SYNJ2BP: variants seen among roughly 807,000 people sequenced by gnomAD.
SYNJ2BP encodes synaptojanin 2 binding protein, also known as synaptojanin-2-binding protein.
SYNJ2BP carries 10 observed loss-of-function variants against 16.9 expected under a neutral mutation model. The observed-to-expected ratio is 0.59, with a 90% CI of 0.36 to 1.00. The LOEUF is 1.00. Ranked by LOEUF, SYNJ2BP falls within the 50% of genes least tolerant of loss-of-function variation. The pLI is 0.01. For missense variants in SYNJ2BP, 162 were observed against 186.7 expected (o/e 0.87, Z 0.77); for synonymous variants, 54 against 68.4 (o/e 0.79, Z 1.04).
intron 1 of SYNJ2BP, among the ~76,000 whole-genome samples, chr14:70,414,519 T>C (rs1228166826): frequency 2.6e-5 from 4 of 152,194 alleles, no homozygotes; most frequent in Non-Finnish European, 4.4e-5. Context: ...AAAGATGAAG[T>C]GATATTATAC....
chr14:70,394,189 TATAA>T (rs1888041117), intron 1 of SYNJ2BP, among the ~76,000 whole-genome samples: 1 of 152,022 alleles, frequency 6.6e-6, no homozygotes, highest in Admixed American at 6.5e-5. Flanking sequence ...AACACCTCCC[TATAA>T]ATAAAAACAT....
Position 70,367,684 on chromosome 14 carries a change from G to C in SYNJ2BP, c.*5307C>G, listed in dbSNP as rs1233071403. The C allele has an allele frequency of 1.3e-5, 2 of 149,278 alleles. No homozygotes were observed. The highest frequency in any genetic ancestry group is 4.0e-4 in the East Asian group (2 of 5,054). The allele number at this position is 149,278 out of a possible 1,614,324, so 9.2% of individuals were successfully genotyped here. Reference sequence around the variant, plus strand: ...TGGATGTGAGTGCTGGTCTCAAAAAGATTTGCAGTTAAAAGAGGAACAGCA... The same window carrying C: ...TGGATGTGAGTGCTGGTCTCAAAAACATTTGCAGTTAAAAGAGGAACAGCA... On this transcript the variant is annotated 3_prime_UTR_variant, in exon 4 of 4. Coordinates refer to ENST00000256366, the MANE Select transcript of SYNJ2BP (RefSeq NM_018373.3).
intron 1 of SYNJ2BP, among the ~76,000 whole-genome samples, chr14:70,394,458 CTTTT>C (rs533858770): frequency 7.5e-6 from 1 of 133,366 alleles, no homozygotes. Flanking sequence ...TGGGATTCAA[CTTTT>C]TTTTTTTTTT....
intron 1 of SYNJ2BP, among the ~76,000 whole-genome samples, chr14:70,412,001 A>C (rs543277037): frequency 1.3e-5 from 2 of 152,336 alleles, no homozygotes; most frequent in African/African-American, 4.8e-5. Context: ...TGAAGAAAGG[A>C]ATAGATCAGA....
At chr14:70,414,287 A>C (rs1039287013) in intron 1 of SYNJ2BP, among the ~76,000 whole-genome samples, 1 of 152,246 alleles carries the variant, frequency 6.6e-6, no homozygotes, top group African/African-American at 2.4e-5. Context: ...TCACTGACTT[A>C]TATAATTAAT....
At chr14:70,377,396 C>T (rs1349949144) in intron 2 of SYNJ2BP, among the ~76,000 whole-genome samples, 3 of 152,206 alleles carry the variant, frequency 2.0e-5, no homozygotes, top group Admixed American at 2.0e-4. Flanking sequence ...TAGACCCATA[C>T]TAGCTGACTC....
At chr14:70,388,413 T>G in intron 2 of SYNJ2BP, 57 bp downstream of exon 2, 2 of 1,432,344 alleles carry the variant, frequency 1.4e-6, no homozygotes, top group Non-Finnish European at 9.2e-7. Context: ...TAGGGAGGGG[T>G]AGGACCTAGG....
intron 2 of SYNJ2BP, 37 bp from the exon 3 acceptor site, chr14:70,375,808 G>C: frequency 6.2e-7 from 1 of 1,604,244 alleles, no homozygotes; most frequent in African/African-American, 1.3e-5. Flanking sequence ...AAAGGAAGAA[G>C]GCTATTAGAA....
chr14:70,391,534 G>C (rs1301993575), intron 1 of SYNJ2BP, among the ~76,000 whole-genome samples: 1 of 152,200 alleles, frequency 6.6e-6, no homozygotes, highest in Admixed American at 6.5e-5. Flanking sequence ...AGGGGGCCAA[G>C]GCCAACCCAC....
At chr14:70,379,353 C>A (rs962856938) in intron 2 of SYNJ2BP, among the ~76,000 whole-genome samples, 1 of 152,198 alleles carries the variant, frequency 6.6e-6, no homozygotes, top group Non-Finnish European at 1.5e-5. Context: ...CAGGAAATGA[C>A]TCTAACCTAT....
At chr14:70,408,868 G>A (rs1415209930) in intron 1 of SYNJ2BP, among the ~76,000 whole-genome samples, 1 of 152,018 alleles carries the variant, frequency 6.6e-6, no homozygotes, top group Non-Finnish European at 1.5e-5. Context: ...GAGTCTCGCT[G>A]TATCGCCCAG....
rs998672136 is a variant in SYNJ2BP at position 70,372,201 on chromosome 14, G to A, written c.*790C>T. The A allele has an allele frequency of 6.6e-6, 1 of 151,748 alleles. No individual in the cohort carries two copies. The highest frequency in any genetic ancestry group is 2.4e-5 in the African/African-American group (1 of 41,272). The allele number at this position is 151,748 out of a possible 1,614,324, so 9.4% of individuals were successfully genotyped here. A position where few individuals can be genotyped will look rare whatever the true frequency, so the allele number is the denominator to read the frequency against. ...CTATGTTGCCCAGGCTGGTCTCCTG[G>A]ACTCAAGCAATCTCCCACTTCAGGC... On this transcript the variant is annotated 3_prime_UTR_variant, in exon 4 of 4. Transcript: ENST00000256366.
chr14:70,379,854 C>T (rs1246072068), intron 2 of SYNJ2BP, among the ~76,000 whole-genome samples: 2 of 152,134 alleles, frequency 1.3e-5, no homozygotes, highest in African/African-American at 4.8e-5. Context: ...ATGATGCAGT[C>T]ATGTCAATGA....
rs192644468 is a variant in SYNJ2BP, at chr14:70,366,552, A to G, written c.*6439T>C. The G allele has an allele frequency of 6.6e-6, 1 of 152,256 alleles. No individual in the cohort carries two copies. The highest frequency in any genetic ancestry group is 1.5e-5 in the Non-Finnish European group (1 of 68,040). 9.4% of individuals were successfully genotyped at this position (152,256 alleles called of 1,614,324 possible). A position where few individuals can be genotyped will look rare whatever the true frequency, so the allele number is the denominator to read the frequency against. On this transcript the variant is annotated 3_prime_UTR_variant, in exon 4 of 4. Transcript: ENST00000256366. ...ATACCAATACTGGCTAGGCACAATTAGACACATTATTATCTCATTTGCTGT... is the reference window on the plus strand; with the variant it reads ...ATACCAATACTGGCTAGGCACAATTGGACACATTATTATCTCATTTGCTGT...
chr14:70,410,583 TATCCATAACAGCAA>T (rs1888450987), intron 1 of SYNJ2BP, among the ~76,000 whole-genome samples: 3 of 152,132 alleles, frequency 2.0e-5, no homozygotes, highest in Non-Finnish European at 4.4e-5. Context: ...ACTGCAGCAC[TATCCATAACAGCAA>T]AGAGATCGAA....
At chr14:70,400,168 T>C (rs1340781169) in intron 1 of SYNJ2BP, among the ~76,000 whole-genome samples, 1 of 152,204 alleles carries the variant, frequency 6.6e-6, no homozygotes, top group African/African-American at 2.4e-5. Context: ...AGGACTATAA[T>C]CCATCTTTTG....
At chr14:70,388,385 C>A (rs1294573564) in intron 2 of SYNJ2BP, 85 bp downstream of exon 2, 5 of 1,391,540 alleles carry the variant, frequency 3.6e-6, no homozygotes, top group Admixed American at 2.9e-5. Flanking sequence ...AGATCCAAAT[C>A]TTTTCAAGGA....
chr14:70,381,812 C>T (rs994916314), intron 2 of SYNJ2BP, among the ~76,000 whole-genome samples: 1 of 152,244 alleles, frequency 6.6e-6, no homozygotes, highest in Admixed American at 6.5e-5. Flanking sequence ...CTGGTCTCCA[C>T]TCCCAGACTA....
At chr14:70,389,743 T>G (rs1887940058) in intron 1 of SYNJ2BP, among the ~76,000 whole-genome samples, 1 of 152,236 alleles carries the variant, frequency 6.6e-6, no homozygotes, top group Admixed American at 6.5e-5. Context: ...TTCAGATTTT[T>G]GGATTTGGGC....
Sources: allele counts gnomAD v4.1 joint callset (sites outside exome capture counted in the v4.1 genomes callset), GRCh38; gene constraint gnomAD v4.1.1; transcripts MANE v1.5; gene names NCBI Gene and HGNC (gene_info 2026-07-23, HGNC 2026-07-21).